The following GRXCR1 variants were observed in gnomAD, a reference collection of about 807,000 sequenced individuals.
GRXCR1 encodes glutaredoxin domain-containing cysteine-rich protein 1.
Under a neutral mutation model 27.3 loss-of-function variants are expected in GRXCR1, and 27 were observed. That is an observed-to-expected ratio of 0.99 (90% confidence interval 0.73 to 1.37). GRXCR1 has a LOEUF of 1.37. Ranked by LOEUF, GRXCR1 falls within the 40% of genes most tolerant of loss-of-function variation. The probability of loss-of-function intolerance (pLI) is 0.00; values close to 1 mark genes in which losing one functional copy is unlikely to be tolerated. For missense variants in GRXCR1, 379 were observed against 354.4 expected, an observed-to-expected ratio of 1.07 and a Z score of -0.56; for synonymous variants, 122 against 131.1, an observed-to-expected ratio of 0.93 and a Z score of 0.47.
At chr4:43,023,588 G>T (rs941282857) in intron 3 of GRXCR1, among the ~76,000 whole-genome samples, 1 of 152,116 alleles carries the variant, frequency 6.6e-6, no homozygotes, top group African/African-American at 2.4e-5. Flanking sequence ...CAGTAGAGTT[G>T]GTTGTACCAA....
intron 2 of GRXCR1, among the ~76,000 whole-genome samples, chr4:43,002,329 G>A (rs1217937656): frequency 2.0e-5 from 3 of 152,378 alleles, no homozygotes; most frequent in Middle Eastern, 3.4e-3. Flanking sequence ...AGGTCCCTGC[G>A]GCTTTCCACA....
intron 2 of GRXCR1, among the ~76,000 whole-genome samples, chr4:43,005,363 T>TGACA (rs1317267674): frequency 2.0e-5 from 3 of 152,244 alleles, no homozygotes; most frequent in Non-Finnish European, 4.4e-5. Flanking sequence ...GTTTAGTTTC[T>TGACA]GACATTTTTT....
chr4:43,026,873 A>G (rs932172012), intron 3 of GRXCR1, among the ~76,000 whole-genome samples: 1 of 152,178 alleles, frequency 6.6e-6, no homozygotes, highest in East Asian at 1.9e-4. Flanking sequence ...TCTTACGTTT[A>G]TGGCTGAAAT....
At chr4:42,943,476 C>A (rs1747670350) in intron 1 of GRXCR1, among the ~76,000 whole-genome samples, 1 of 151,986 alleles carries the variant, frequency 6.6e-6, no homozygotes, top group African/African-American at 2.4e-5. Flanking sequence ...GATCCCTGGG[C>A]CCAGTTCTAG....
At chr4:43,012,953 A>C (rs894308763) in intron 2 of GRXCR1, among the ~76,000 whole-genome samples, 1 of 152,190 alleles carries the variant, frequency 6.6e-6, no homozygotes, top group East Asian at 1.9e-4. Flanking sequence ...AATACTCAAC[A>C]TCACTAATTA....
At chr4:42,995,269 T>G (rs573834171) in intron 2 of GRXCR1, among the ~76,000 whole-genome samples, 1 of 152,320 alleles carries the variant, frequency 6.6e-6, no homozygotes, top group Admixed American at 6.5e-5. Flanking sequence ...ATGGGAGCAC[T>G]GAATTATAGT....
At chr4:42,928,134 C>T (rs1039977113) in intron 1 of GRXCR1, among the ~76,000 whole-genome samples, 1 of 151,894 alleles carries the variant, frequency 6.6e-6, no homozygotes, top group Admixed American at 6.6e-5. Context: ...TAGAGAGTTA[C>T]AGGCATGTGC....
intron 3 of GRXCR1, among the ~76,000 whole-genome samples, chr4:43,026,466 T>G (rs920486482): frequency 7.4e-6 from 1 of 135,094 alleles, no homozygotes; most frequent in Non-Finnish European, 1.5e-5. Flanking sequence ...GTGGGTTGCC[T>G]CAAGCAAGAA....
At chr4:43,006,898 C>A (rs1451701707) in intron 2 of GRXCR1, among the ~76,000 whole-genome samples, 1 of 152,154 alleles carries the variant, frequency 6.6e-6, no homozygotes, top group African/African-American at 2.4e-5. Context: ...AAATTTCTCT[C>A]TTTTGTACTC....
At chr4:42,921,780 G>A (rs1017606) in intron 1 of GRXCR1, among the ~76,000 whole-genome samples, 149,660 of 152,222 alleles carry the variant, frequency 0.98, 73,632 homozygotes, top group Non-Finnish European at 1. Flanking sequence ...GATACCATTC[G>A]ATCTTTTCTT....
chr4:43,023,838 T>C (rs1713169845), intron 3 of GRXCR1, among the ~76,000 whole-genome samples: 1 of 152,212 alleles, frequency 6.6e-6, no homozygotes, highest in South Asian at 2.1e-4. Flanking sequence ...GAGAAAATTA[T>C]TATTTTATAT....
intron 2 of GRXCR1, among the ~76,000 whole-genome samples, chr4:43,011,995 A>G (rs1431792367): frequency 6.6e-6 from 1 of 152,234 alleles, no homozygotes; most frequent in Non-Finnish European, 1.5e-5. Context: ...CCCTCCTGCG[A>G]ATGGAATTTT....
At chr4:42,974,312 C>A (rs1247514893) in intron 2 of GRXCR1, among the ~76,000 whole-genome samples, 1 of 152,048 alleles carries the variant, frequency 6.6e-6, no homozygotes, top group Non-Finnish European at 1.5e-5. Context: ...CTTTATTAGA[C>A]CTGCTGAAGT....
At chr4:42,908,056 G>A (rs1285679477) in intron 1 of GRXCR1, among the ~76,000 whole-genome samples, 2 of 152,270 alleles carry the variant, frequency 1.3e-5, no homozygotes, top group East Asian at 3.9e-4. Flanking sequence ...GTCATCTCCT[G>A]AACTGATGCA....
intron 1 of GRXCR1, among the ~76,000 whole-genome samples, chr4:42,909,966 A>G (rs751804621): frequency 1.1e-4 from 16 of 152,156 alleles, no homozygotes; most frequent in Non-Finnish European, 2.1e-4. Flanking sequence ...ACTGCTATAA[A>G]GATACTCCCC....
chr4:42,969,285 T>C (rs1748324965), intron 2 of GRXCR1, among the ~76,000 whole-genome samples: 1 of 152,170 alleles, frequency 6.6e-6, no homozygotes, highest in Non-Finnish European at 1.5e-5. Flanking sequence ...TGGGAGTCTT[T>C]GAATATCTGC....
intron 1 of GRXCR1, among the ~76,000 whole-genome samples, chr4:42,961,817 G>A (rs1460612100): frequency 6.6e-6 from 1 of 152,074 alleles, no homozygotes; most frequent in African/African-American, 2.4e-5. Flanking sequence ...TGATTTCTCT[G>A]CGTACAAAGT....
At chr4:42,942,044 T>G (rs1481660395) in intron 1 of GRXCR1, among the ~76,000 whole-genome samples, 1 of 152,076 alleles carries the variant, frequency 6.6e-6, no homozygotes, top group Non-Finnish European at 1.5e-5. Flanking sequence ...AATTCACAGC[T>G]TGTTCTTGTC....
chr4:42,959,812 G>A (rs913025412), intron 1 of GRXCR1, among the ~76,000 whole-genome samples: 7 of 151,736 alleles, frequency 4.6e-5, no homozygotes, highest in Non-Finnish European at 7.4e-5. Context: ...AATCACATTA[G>A]AACTTAAAAA....
Sources: gnomAD v4.1 joint callset for allele counts (sites outside exome capture counted in the v4.1 genomes callset) on GRCh38, gnomAD v4.1.1 for gene constraint, MANE v1.5 for transcripts, NCBI Gene and HGNC (gene_info 2026-07-23, HGNC 2026-07-21) for gene names.